Variants in CR1L observed in about 807,000 individuals in gnomAD.
CR1L encodes the protein complement C3b/C4b receptor 1 like.
In CR1L, 59 loss-of-function variants were observed where a neutral mutation model predicts 62.3. The observed-to-expected ratio is 0.95, with a 90% CI of 0.77 to 1.18. The LOEUF (loss-of-function observed/expected upper bound fraction) is 1.18. CR1L is among the 50% of genes most tolerant of loss of function. CR1L has a pLI of 0.00. For missense variants in CR1L, 700 were observed against 702.8 expected (o/e 1.00, Z 0.04); for synonymous variants, 279 against 248.7 (o/e 1.12, Z -1.15).
intron 3 of CR1L, 118 bp downstream of exon 3, chr1:207,678,415 G>A (rs2296159): frequency 0.38 from 320,423 of 850,148 alleles, 62,058 homozygotes; most frequent in Non-Finnish European, 0.4. Context: ...CTCTTTAAAG[G>A]CTTCAACACA....
At chr1:207,683,992 G>A (rs751453580) in intron 4 of CR1L, 35 bp downstream of exon 4, 241 of 1,574,516 alleles carry the variant, frequency 1.5e-4, no homozygotes, top group Non-Finnish European at 2.0e-4. Flanking sequence ...TTCTTTTACC[G>A]ATACATTCTA....
At chr1:207,646,244 T>C (rs1362653367) in intron 1 of CR1L, among the ~76,000 whole-genome samples, 2 of 152,156 alleles carry the variant, frequency 1.3e-5, no homozygotes, top group Non-Finnish European at 2.9e-5. Context: ...GAGTCATATT[T>C]GAGAGATGTG....
intron 4 of CR1L, 139 bp downstream of exon 4, chr1:207,684,096 T>C: frequency 1.5e-6 from 1 of 669,110 alleles, no homozygotes; most frequent in East Asian, 3.1e-5. Flanking sequence ...TCTCAGATAT[T>C]CCTATGGGGT....
chr1:207,658,017 C>G (rs934168459), intron 1 of CR1L, among the ~76,000 whole-genome samples: 1 of 152,128 alleles, frequency 6.6e-6, no homozygotes, highest in African/African-American at 2.4e-5. Flanking sequence ...GTATACAAGA[C>G]ACTCCTAAAT....
At chr1:207,700,161 G>T (rs577553333) in intron 8 of CR1L, among the ~76,000 whole-genome samples, 1 of 152,112 alleles carries the variant, frequency 6.6e-6, no homozygotes, top group Non-Finnish European at 1.5e-5. Context: ...TGGAAAACAT[G>T]TTTCTTTAGA....
At chr1:207,678,509 A>G (rs1445410740) in intron 3 of CR1L, among the ~76,000 whole-genome samples, 3 of 152,240 alleles carry the variant, frequency 2.0e-5, no homozygotes, top group Non-Finnish European at 4.4e-5. Flanking sequence ...AAACCAAGGC[A>G]GAGCATATAT....
chr1:207,700,973 A>G (rs888210139), intron 8 of CR1L, among the ~76,000 whole-genome samples: 1 of 152,182 alleles, frequency 6.6e-6, no homozygotes, highest in Non-Finnish European at 1.5e-5. Flanking sequence ...AATTTTTTCA[A>G]TTGTGGGATA....
chr1:207,717,130 C>T (rs3849267), intron 10 of CR1L, among the ~76,000 whole-genome samples: 75,097 of 151,840 alleles, frequency 0.49, 19,186 homozygotes, highest in East Asian at 0.87. Flanking sequence ...CATTGTCAAC[C>T]CAGGAATCTT....
chr1:207,649,177 A>G (rs1663183348), intron 1 of CR1L, among the ~76,000 whole-genome samples: 1 of 152,148 alleles, frequency 6.6e-6, no homozygotes, highest in African/African-American at 2.4e-5. Context: ...GGGTGGATTA[A>G]AGAAGACAAG....
At chr1:207,694,789 A>C (rs765908095) in intron 5 of CR1L, 38 bp downstream of exon 5, 2 of 1,611,616 alleles carry the variant, frequency 1.2e-6, no homozygotes, top group African/African-American at 2.7e-5. Flanking sequence ...CCTGCCAGTG[A>C]CATGCATTGC....
At chr1:207,717,349 A>G in intron 10 of CR1L, 115 bp from the exon 11 acceptor site, 1 of 1,190,652 alleles carries the variant, frequency 8.4e-7, no homozygotes, top group Non-Finnish European at 1.2e-6. Context: ...CACCTTAGTT[A>G]TAGTCTTTCT....
intron 1 of CR1L, among the ~76,000 whole-genome samples, chr1:207,670,986 C>T (rs1161994458): frequency 1.3e-5 from 2 of 151,086 alleles, no homozygotes; most frequent in African/African-American, 5.0e-5. Flanking sequence ...AAGAGCTATG[C>T]TCCCAAGGTG....
At chr1:207,684,932 G>A (rs893635390) in intron 4 of CR1L, among the ~76,000 whole-genome samples, 1 of 152,114 alleles carries the variant, frequency 6.6e-6, no homozygotes, top group African/African-American at 2.4e-5. Context: ...AAGTTTACGA[G>A]CTTCAGAATC....
chr1:207,708,914 G>A, intron 10 of CR1L: 1 of 379,676 alleles, frequency 2.6e-6, no homozygotes, highest in South Asian at 2.0e-5. Flanking sequence ...CAGTAGAGTA[G>A]GACACAGTAT....
At chr1:207,695,042 C>T (rs1453826909) in intron 5 of CR1L, among the ~76,000 whole-genome samples, 2 of 152,134 alleles carry the variant, frequency 1.3e-5, no homozygotes, top group East Asian at 3.8e-4. Flanking sequence ...GTGATTCTTC[C>T]AGCCAGGCAC....
chr1:207,714,824 G>A (rs61823005), intron 10 of CR1L, among the ~76,000 whole-genome samples: 3,491 of 152,202 alleles, frequency 0.023, 58 homozygotes, highest in Non-Finnish European at 0.035. Flanking sequence ...ATGCTTCTGT[G>A]AGCCTCTTTC....
At chr1:207,648,460 A>G (rs944744340) in intron 1 of CR1L, among the ~76,000 whole-genome samples, 1 of 152,200 alleles carries the variant, frequency 6.6e-6, no homozygotes, top group African/African-American at 2.4e-5. Context: ...ATGAATTAAA[A>G]TAAACATTCA....
chr1:207,668,888 AT>A (rs1336436569), intron 1 of CR1L, among the ~76,000 whole-genome samples: 2 of 150,918 alleles, frequency 1.3e-5, no homozygotes, highest in Non-Finnish European at 2.9e-5. Context: ...ACAGATTTAC[AT>A]TTTTTGAATA....
chr1:207,654,460 T>G (rs867463263), intron 1 of CR1L, among the ~76,000 whole-genome samples: 5 of 152,078 alleles, frequency 3.3e-5, no homozygotes, highest in African/African-American at 1.2e-4. Flanking sequence ...AAATACTAAA[T>G]GAGAAATACC....
Sources: gnomAD v4.1 joint callset for allele counts (sites outside exome capture counted in the v4.1 genomes callset) on GRCh38, gnomAD v4.1.1 for gene constraint, MANE v1.5 for transcripts, NCBI Gene and HGNC (gene_info 2026-07-23, HGNC 2026-07-21) for gene names.